SGCG: variants seen among roughly 807,000 people sequenced by gnomAD.
SGCG encodes the protein sarcoglycan gamma, also known as gamma-sarcoglycan.
Under a neutral mutation model 29.3 loss-of-function variants are expected in SGCG, and 26 were observed. That is an observed-to-expected ratio of 0.89 (90% confidence interval 0.65 to 1.23). SGCG has a LOEUF of 1.23. SGCG is among the 50% of genes most tolerant of loss of function. The pLI is 0.00. For missense variants in SGCG, 353 were observed against 356.0 expected (o/e 0.99, Z 0.07); for synonymous variants, 145 against 129.7 (o/e 1.12, Z -0.80).
intron 4 of SGCG, among the ~76,000 whole-genome samples, chr13:23,256,260 A>T (rs1051137603): frequency 6.6e-6 from 1 of 152,240 alleles, no homozygotes; most frequent in African/African-American, 2.4e-5. Context: ...AAAAGCTCAC[A>T]TTGAGTCTCC....
intron 2 of SGCG, among the ~76,000 whole-genome samples, chr13:23,205,584 T>TGACAATATGTCTACTTTTAAAGTA (rs1328680889): frequency 9.8e-5 from 15 of 152,306 alleles, no homozygotes; most frequent in African/African-American, 3.1e-4. Context: ...GACTGTAAAG[T>TGACAATATGTCTACTTTTAAAGTA]GACAATATGT....
At chr13:23,169,935 G>T in the SGCG span, 4 of 152,208 alleles carry the variant, frequency 2.6e-5, no homozygotes, top group Non-Finnish European at 5.9e-5. Context: ...ATGGCCATCA[G>T]TTTTTCTCTG....
chr13:23,184,934 A>C (rs1876910987), intron 1 of SGCG, among the ~76,000 whole-genome samples: 1 of 152,254 alleles, frequency 6.6e-6, no homozygotes, highest in African/African-American at 2.4e-5. Flanking sequence ...AGAGCATTGC[A>C]GTGGGACTAT....
the SGCG span, among the ~76,000 whole-genome samples, chr13:23,162,809 G>A: frequency 6.6e-6 from 1 of 151,992 alleles, no homozygotes; most frequent in South Asian, 2.1e-4. Flanking sequence ...CAGCCTGGGC[G>A]ATAGAGTAAG....
rs371837246 is a variant in SGCG at position 23,293,504 on chromosome 13, T to A, written c.506-1911T>A. Among the ~76,000 whole-genome samples the A allele has an allele frequency of 3.0e-4, 45 of 152,234 alleles. 1 individual carries two copies. The East Asian group carries it at 7.2e-3, about 24-fold the overall frequency. On this transcript the variant is annotated intron_variant, in intron 5 of 7. Coordinates refer to ENST00000218867, the MANE Select transcript of SGCG (RefSeq NM_000231.3). ...ATAATAACAAAGCTAATATAGCCAGTAATACTGTGGAGAAAATGTGAAGGT... is the reference window on the plus strand; with the variant it reads ...ATAATAACAAAGCTAATATAGCCAGAAATACTGTGGAGAAAATGTGAAGGT...
At chr13:23,320,544 A>G (rs1882991434) in intron 6 of SGCG, 93 bp from the exon 7 acceptor site, 4 of 1,023,752 alleles carry the variant, frequency 3.9e-6, no homozygotes, top group Non-Finnish European at 4.4e-6. Flanking sequence ...ATATCTTACT[A>G]GTTATATTTC....
chr13:23,324,230 T>G (rs2137533713), intron 7 of SGCG, 138 bp from the exon 8 acceptor site: 31 of 750,686 alleles, frequency 4.1e-5, no homozygotes, highest in Admixed American at 4.1e-5. Context: ...AATTACGAAA[T>G]GAGTTACATA....
intron 2 of SGCG, among the ~76,000 whole-genome samples, chr13:23,232,933 G>A (rs1879164905): frequency 6.6e-6 from 1 of 152,154 alleles, no homozygotes; most frequent in African/African-American, 2.4e-5. Context: ...GTGTTAGGGA[G>A]GATGCAGAGA....
chr13:23,162,993 T>G, the SGCG span, among the ~76,000 whole-genome samples: 1 of 152,196 alleles, frequency 6.6e-6, no homozygotes, highest in Non-Finnish European at 1.5e-5. Flanking sequence ...TCTAAAATTG[T>G]AGGAAAATGA....
intron 2 of SGCG, among the ~76,000 whole-genome samples, chr13:23,230,283 C>T (rs568667962): frequency 3.3e-5 from 5 of 152,254 alleles, no homozygotes; most frequent in South Asian, 4.1e-4. Flanking sequence ...CTTTTTGTTC[C>T]ATATGAACCT....
Position 23,196,368 on chromosome 13 carries a change from A to AAC in SGCG, c.1-7327_1-7326insAC, listed in dbSNP as rs572981092. On this transcript the variant is annotated intron_variant, in intron 1 of 7. Coordinates refer to ENST00000218867, the MANE Select transcript of SGCG (RefSeq NM_000231.3). ...ATGTTCTTAATACTTAGTGCCCAATATCTTTTGGGGGGGTTATTGTTAACT... is the reference window on the plus strand; with the variant it reads ...ATGTTCTTAATACTTAGTGCCCAATAACTCTTTTGGGGGGGTTATTGTTAACT... 4.7e-4 allele frequency among the ~76,000 whole-genome samples: 37 copies of AAC among 78,324 alleles called. 1 individual carries two copies. The South Asian group carries it at 0.016, about 35-fold the overall frequency. 51.4% of individuals were successfully genotyped at this position (78,324 alleles called of 152,430 possible). A position where few individuals can be genotyped will look rare whatever the true frequency, so the allele number is the denominator to read the frequency against.
the SGCG span, among the ~76,000 whole-genome samples, chr13:23,161,996 C>T: frequency 6.6e-6 from 1 of 152,188 alleles, no homozygotes; most frequent in African/African-American, 2.4e-5. Flanking sequence ...ATAAATAGCT[C>T]ATTTAATAAA....
intron 4 of SGCG, among the ~76,000 whole-genome samples, chr13:23,252,548 G>A (rs184883675): frequency 1.2e-4 from 19 of 152,158 alleles, no homozygotes; most frequent in South Asian, 1.0e-3. Context: ...AAAATTAGCC[G>A]GGCGTGGTGG....
chr13:23,256,966 A>G (rs2137579028), intron 4 of SGCG, among the ~76,000 whole-genome samples: 1 of 152,266 alleles, frequency 6.6e-6, no homozygotes, highest in Admixed American at 6.5e-5. Flanking sequence ...TCTCTTCCAC[A>G]ATGGTTGAAC....
upstream of SGCG, among the ~76,000 whole-genome samples, chr13:23,179,020 C>G (rs1876645757): frequency 6.6e-6 from 1 of 152,156 alleles, no homozygotes; most frequent in South Asian, 2.1e-4. Context: ...CAGTGGAGCA[C>G]CCAAGCACCA....
the SGCG span, among the ~76,000 whole-genome samples, chr13:23,161,062 G>A: frequency 2.6e-5 from 4 of 152,290 alleles, no homozygotes; most frequent in African/African-American, 9.6e-5. Context: ...TGGGGAGTCT[G>A]TAACACTGAG....
intron 5 of SGCG, among the ~76,000 whole-genome samples, chr13:23,285,793 A>G (rs1881475250): frequency 2.0e-5 from 3 of 152,106 alleles, no homozygotes; most frequent in Admixed American, 2.0e-4. Context: ...TGGGAAAAGC[A>G]TAGTGTCTGG....
chr13:23,200,174 G>A (rs1398308051), intron 1 of SGCG, among the ~76,000 whole-genome samples: 2 of 152,208 alleles, frequency 1.3e-5, no homozygotes, highest in Non-Finnish European at 2.9e-5. Flanking sequence ...TGTAATCCCA[G>A]CACTTTGGGA....
chr13:23,224,657 G>A (rs1226998811), intron 2 of SGCG, among the ~76,000 whole-genome samples: 1 of 56,290 alleles, frequency 1.8e-5, no homozygotes, highest in Non-Finnish European at 3.4e-5. Flanking sequence ...CCCCAAACAG[G>A]GCACACATAC....
Sources: gnomAD v4.1 joint callset for allele counts (sites outside exome capture counted in the v4.1 genomes callset) on GRCh38, gnomAD v4.1.1 for gene constraint, MANE v1.5 for transcripts, NCBI Gene and HGNC (gene_info 2026-07-23, HGNC 2026-07-21) for gene names.